P2RY14: variants seen among roughly 807,000 people sequenced by gnomAD.
P2RY14 encodes the protein purinergic receptor P2Y14.
P2RY14 carries 2 observed loss-of-function variants against 0.9 expected under a neutral mutation model. The ratio of observed to expected loss-of-function variants is 2.16; its 90% CI spans 0.88 to 6.79. The LOEUF is 6.79. Among genes scored for constraint, P2RY14 ranks in the 30% most tolerant of loss-of-function variants. The pLI is 0.05. For missense variants in P2RY14, 378 were observed against 400.1 expected, an observed-to-expected ratio of 0.94 and a Z score of 0.47; for synonymous variants, 158 against 147.2, an observed-to-expected ratio of 1.07 and a Z score of -0.53.
intron 1 of P2RY14, among the ~76,000 whole-genome samples, chr3:151,265,944 G>T (rs935150357): frequency 6.6e-6 from 1 of 152,152 alleles, no homozygotes; most frequent in African/African-American, 2.4e-5. Context: ...GGGCATCAGC[G>T]CTGGGCAAGT....
intron 1 of P2RY14, among the ~76,000 whole-genome samples, chr3:151,229,766 A>G (rs908993908): frequency 4.6e-5 from 7 of 151,614 alleles, no homozygotes; most frequent in African/African-American, 1.5e-4. Context: ...CGCCAGGCGA[A>G]CTGAGCAATT....
intron 1 of P2RY14, among the ~76,000 whole-genome samples, chr3:151,248,515 C>A (rs2149436084): frequency 6.6e-6 from 1 of 152,262 alleles, no homozygotes; most frequent in Non-Finnish European, 1.5e-5. Flanking sequence ...CATAACCCAG[C>A]TGTACTGGTC....
At chr3:151,232,339 C>T (rs957876774) in intron 1 of P2RY14, among the ~76,000 whole-genome samples, 9 of 152,194 alleles carry the variant, frequency 5.9e-5, no homozygotes, top group African/African-American at 2.2e-4. Context: ...TTCTCTGCAA[C>T]CTTGCCAGCA....
chr3:151,262,196 C>T (rs1739042441), intron 1 of P2RY14, among the ~76,000 whole-genome samples: 1 of 152,142 alleles, frequency 6.6e-6, no homozygotes, highest in African/African-American at 2.4e-5. Flanking sequence ...ATGAACTCTC[C>T]TGATTAAGTC....
chr3:151,273,235 T>C (rs981344350), intron 1 of P2RY14, among the ~76,000 whole-genome samples: 12 of 143,616 alleles, frequency 8.4e-5, no homozygotes, highest in Non-Finnish European at 1.5e-4. Flanking sequence ...TTCTTTTTTT[T>C]TTTTTTTTTT....
chr3:151,217,499 G>C (rs1467315043), intron 2 of P2RY14, among the ~76,000 whole-genome samples: 1 of 152,182 alleles, frequency 6.6e-6, no homozygotes, highest in Non-Finnish European at 1.5e-5. Context: ...GAGCAGCTTT[G>C]CCTCCTGAAA....
chr3:151,240,926 C>T (rs1348020449), intron 1 of P2RY14, among the ~76,000 whole-genome samples: 1 of 152,224 alleles, frequency 6.6e-6, no homozygotes, highest in African/African-American at 2.4e-5. Flanking sequence ...GCCTGAATCA[C>T]TGAACCTCTC....
At chr3:151,269,442 A>ACACACACACACACACAC (rs1559962872) in intron 1 of P2RY14, 8 of 178,068 alleles carry the variant, frequency 4.5e-5, no homozygotes, top group African/African-American at 3.1e-4. Context: ...CACACACACA[A>ACACACACACACACACAC]AATTCAGAGA....
At position 151,248,652 on chromosome 3, in the gene P2RY14, G is replaced by A. The variant is rs192641740; in HGVS notation, c.-132-29010C>T. Among the ~76,000 whole-genome samples the A allele has an allele frequency of 2.2e-4, 34 of 152,072 alleles. 1 individual carries two copies. The highest frequency in any genetic ancestry group is 8.0e-4 in the African/African-American group (33 of 41,466). On this transcript the variant is annotated intron_variant, in intron 1 of 2. Coordinates refer to ENST00000309170, the MANE Select transcript of P2RY14 (RefSeq NM_014879.4). ...TACAAGCCCCATGAAAGGAAATCAT[G>A]CCTTATCAAATTAAAAAAGGATACT...
intron 1 of P2RY14, among the ~76,000 whole-genome samples, chr3:151,238,038 AT>A (rs1333996625): frequency 3.9e-5 from 6 of 152,196 alleles, no homozygotes; most frequent in Admixed American, 1.3e-4. Flanking sequence ...AAATTTACCA[AT>A]TTTAAGGATC....
chr3:151,254,567 CTTAT>C (rs957042852), intron 1 of P2RY14, among the ~76,000 whole-genome samples: 48 of 152,108 alleles, frequency 3.2e-4, no homozygotes, highest in African/African-American at 1.1e-3. Context: ...TGAACCAAAC[CTTAT>C]TTAATCTAGT....
At chr3:151,269,629 C>T (rs1490845198) in intron 1 of P2RY14, 4 of 382,188 alleles carry the variant, frequency 1.0e-5, no homozygotes, top group African/African-American at 2.1e-5. Flanking sequence ...CAAAGAGGCA[C>T]TGTATTATTT....
chr3:151,223,175 C>CAA (rs10646837), intron 1 of P2RY14, among the ~76,000 whole-genome samples: 41,927 of 126,762 alleles, frequency 0.33, 6,491 homozygotes, highest in South Asian at 0.35. Flanking sequence ...TTAAAAAGTC[C>CAA]AAAAAAAAAA....
intron 1 of P2RY14, among the ~76,000 whole-genome samples, chr3:151,256,645 G>T (rs1319069867): frequency 2.0e-5 from 3 of 152,138 alleles, no homozygotes; most frequent in African/African-American, 2.4e-5. Flanking sequence ...AAAGACAAAA[G>T]CTTATTACAC....
At chr3:151,234,337 A>G (rs1022563896) in intron 1 of P2RY14, among the ~76,000 whole-genome samples, 5 of 152,272 alleles carry the variant, frequency 3.3e-5, no homozygotes, top group African/African-American at 1.2e-4. Context: ...GAGGATAACA[A>G]AGCCTAGAGA....
At chr3:151,253,934 T>TTTC (rs1737308651) in intron 1 of P2RY14, among the ~76,000 whole-genome samples, 1 of 152,096 alleles carries the variant, frequency 6.6e-6, no homozygotes, top group Non-Finnish European at 1.5e-5. Flanking sequence ...CTACTTTTTT[T>TTTC]TTCTTCTTCT....
chr3:151,212,150 C>T lies in P2RY14; in HGVS notation c.*1150G>A, dbSNP rs1005609597. On this transcript the variant is annotated 3_prime_UTR_variant, in exon 3 of 3. Transcript: ENST00000309170. Reference sequence around the variant, plus strand: ...AAACATTTCTTTATTAGTATATAGACAGTAAAGCATGAAATAGATACAAAC... The same window carrying T: ...AAACATTTCTTTATTAGTATATAGATAGTAAAGCATGAAATAGATACAAAC... 1 of 152,010 alleles carries T rather than the reference C, an allele frequency of 6.6e-6. No homozygotes were observed. The highest frequency in any genetic ancestry group is 2.4e-5 in the African/African-American group (1 of 41,342). 9.4% of individuals were successfully genotyped at this position (152,010 alleles called of 1,614,324 possible). A position where few individuals can be genotyped will look rare whatever the true frequency, so the allele number is the denominator to read the frequency against.
intron 1 of P2RY14, among the ~76,000 whole-genome samples, chr3:151,230,025 AG>A (rs1419005254): frequency 6.6e-6 from 1 of 151,900 alleles, no homozygotes; most frequent in African/African-American, 2.4e-5. Flanking sequence ...GCTGGAGTGC[AG>A]TGGTGCGATC....
At chr3:151,247,078 A>G (rs900421733) in intron 1 of P2RY14, among the ~76,000 whole-genome samples, 9 of 152,248 alleles carry the variant, frequency 5.9e-5, no homozygotes, top group African/African-American at 2.2e-4. Context: ...ATCTCACACC[A>G]GTTAGATTGG....
Sources: allele counts gnomAD v4.1 joint callset (sites outside exome capture counted in the v4.1 genomes callset), GRCh38; gene constraint gnomAD v4.1.1; transcripts MANE v1.5; gene names NCBI Gene and HGNC (gene_info 2026-07-23, HGNC 2026-07-21).